The following CUX1 variants were observed in gnomAD, a reference collection of about 807,000 sequenced individuals.
CUX1 encodes cut like homeobox 1.
Under a neutral mutation model 158.8 loss-of-function variants are expected in CUX1, and 31 were observed. That is an observed-to-expected ratio of 0.20 (90% confidence interval 0.15 to 0.26). CUX1 has a LOEUF of 0.26. Among genes scored for constraint, CUX1 ranks in the 10% least tolerant of loss-of-function variants. CUX1 has a pLI of 1.00. For missense variants in CUX1, 1,589 were observed against 2,014.6 expected (o/e 0.79, Z 4.04); for synonymous variants, 879 against 862.1 (o/e 1.02, Z -0.34).
chr7:102,220,092 G>A (rs1164235681), intron 20 of CUX1, among the ~76,000 whole-genome samples: 1 of 152,188 alleles, frequency 6.6e-6, no homozygotes, highest in Non-Finnish European at 1.5e-5. Context: ...GGGCACAGTG[G>A]GATCACACCT....
intron 14 of CUX1, chr7:102,264,888 C>G (rs1358190480): frequency 1.3e-5 from 2 of 152,400 alleles, no homozygotes; most frequent in African/African-American, 4.8e-5. Context: ...GCTCTTAGTA[C>G]GGATAGACAC....
At chr7:101,824,453 A>T (rs2906719) in intron 1 of CUX1, 1 of 152,174 alleles carries the variant, frequency 6.6e-6, no homozygotes, top group Non-Finnish European at 1.5e-5. Context: ...CTGGCTTATT[A>T]CCACTTTCCC....
In CUX1 at chr7:102,098,428, G is replaced by A. The variant is rs943264994; in HGVS notation, c.406+927G>A. 2.0e-5 allele frequency among the ~76,000 whole-genome samples: 3 copies of A among 152,076 alleles called. 1 individual carries two copies. The highest frequency in any genetic ancestry group is 4.1e-4 in the South Asian group (2 of 4,832). On this transcript the variant is annotated intron_variant, in intron 5 of 23. Coordinates refer to ENST00000292535, the MANE Select transcript of CUX1 (RefSeq NM_181552.4). Reference sequence around the variant, plus strand: ...GAAGTTCGAGACCAGCCTCGGAAACGTAGCAATACTCTGTCTCTACAGAAC... The same window carrying A: ...GAAGTTCGAGACCAGCCTCGGAAACATAGCAATACTCTGTCTCTACAGAAC...
chr7:102,175,656 C>T (rs556503394), intron 10 of CUX1, among the ~76,000 whole-genome samples: 6 of 152,238 alleles, frequency 3.9e-5, no homozygotes, highest in Non-Finnish European at 7.4e-5. Flanking sequence ...GACAAGGTCC[C>T]GCCAGCCCTC....
intron 2 of CUX1, among the ~76,000 whole-genome samples, chr7:101,962,484 G>A (rs963980851): frequency 2.6e-5 from 4 of 152,150 alleles, no homozygotes; most frequent in African/African-American, 7.2e-5. Context: ...CATAGAGGCC[G>A]GAGATAACGA....
chr7:101,915,042 T>C (rs1455352980), intron 1 of CUX1, among the ~76,000 whole-genome samples: 2 of 152,076 alleles, frequency 1.3e-5, no homozygotes, highest in Non-Finnish European at 2.9e-5. Flanking sequence ...TTCTCGCCGT[T>C]CAGCTCTGCT....
At chr7:101,866,645 A>G (rs1797951845) in intron 1 of CUX1, among the ~76,000 whole-genome samples, 2 of 151,972 alleles carry the variant, frequency 1.3e-5, no homozygotes, top group South Asian at 4.2e-4. Flanking sequence ...AAAAAAAGTT[A>G]AACTAGAGTA....
chr7:102,280,023 C>T (rs1791937471), intron 18 of CUX1: 5 of 876,092 alleles, frequency 5.7e-6, no homozygotes, highest in Non-Finnish European at 6.2e-6. Flanking sequence ...CTCTTCCCCT[C>T]CCTGTCTGTG....
chr7:102,176,003 G>A (rs546749480), intron 10 of CUX1, among the ~76,000 whole-genome samples: 1 of 152,364 alleles, frequency 6.6e-6, no homozygotes, highest in Admixed American at 6.5e-5. Context: ...TGCACAGAAC[G>A]GGCCTGGACA....
intron 2 of CUX1, among the ~76,000 whole-genome samples, chr7:101,959,869 G>A (rs1212213794): frequency 6.6e-6 from 1 of 152,140 alleles, no homozygotes; most frequent in Non-Finnish European, 1.5e-5. Context: ...ATAGTTACAT[G>A]TTTGACTCTT....
At position 101,916,713 on chromosome 7, in the gene CUX1, C is replaced by T. The variant is rs1804251223; in HGVS notation, c.141+488C>T. On this transcript the variant is annotated intron_variant, in intron 2 of 23. Coordinates refer to ENST00000292535, the MANE Select transcript of CUX1 (RefSeq NM_181552.4). This position sits in a 1 kb window ranked among gnomAD's most constrained non-coding sequence, Gnocchi z 4.4. ...GCTTCTTGTAAAACAGACATTTCGCCTGCTAGGCCTTTTAAATGCCTCTCT... is the reference window on the plus strand; with the variant it reads ...GCTTCTTGTAAAACAGACATTTCGCTTGCTAGGCCTTTTAAATGCCTCTCT... 1 of 154,826 alleles carries T rather than the reference C, an allele frequency of 6.5e-6. No homozygotes were observed. The highest frequency in any genetic ancestry group is 2.4e-5 in the African/African-American group (1 of 41,506). 9.6% of individuals were successfully genotyped at this position (154,826 alleles called of 1,614,324 possible). A position where few individuals can be genotyped will look rare whatever the true frequency, so the allele number is the denominator to read the frequency against.
intron 22 of CUX1, among the ~76,000 whole-genome samples, chr7:102,235,689 G>A (rs1200563142): frequency 4.1e-5 from 6 of 144,890 alleles, no homozygotes; most frequent in Non-Finnish European, 7.5e-5. Context: ...GCGGCACAGC[G>A]AGACCCCATC....
At chr7:101,997,981 C>G (rs961972696) in intron 2 of CUX1, among the ~76,000 whole-genome samples, 3 of 152,220 alleles carry the variant, frequency 2.0e-5, no homozygotes, top group Non-Finnish European at 4.4e-5. Flanking sequence ...CACCAGAGAA[C>G]GAACTCCCCA....
intron 2 of CUX1, among the ~76,000 whole-genome samples, chr7:101,938,148 T>C (rs1807174919): frequency 6.6e-6 from 1 of 151,786 alleles, no homozygotes; most frequent in African/African-American, 2.4e-5. Flanking sequence ...AGTCTCACTC[T>C]GTCACTCAGG....
intron 2 of CUX1, among the ~76,000 whole-genome samples, chr7:101,926,147 A>G (rs1369890738): frequency 1.3e-5 from 2 of 152,226 alleles, no homozygotes; most frequent in African/African-American, 2.4e-5. Context: ...AGGATTTGGC[A>G]AAATGAGAAA....
intron 1 of CUX1, among the ~76,000 whole-genome samples, chr7:101,831,025 C>T (rs1314866857): frequency 6.6e-6 from 1 of 152,052 alleles, no homozygotes; most frequent in Non-Finnish European, 1.5e-5. Context: ...CTGGGTTACC[C>T]AAAGAAATAT....
chr7:101,950,946 C>T (rs1808986948), intron 2 of CUX1, among the ~76,000 whole-genome samples: 1 of 152,224 alleles, frequency 6.6e-6, no homozygotes, highest in Non-Finnish European at 1.5e-5. Flanking sequence ...TAACTGGTCT[C>T]ACTTCCTTTG....
Position 102,253,498 on chromosome 7 carries a change from C to T in CUX1, c.*4456C>T, listed in dbSNP as rs1310118503. 4.1e-6 allele frequency: 4 copies of T among 985,374 alleles called. No homozygotes were observed. The highest frequency in any genetic ancestry group is 3.6e-6 in the Non-Finnish European group (3 of 829,958). 61.0% of individuals were successfully genotyped at this position (985,374 alleles called of 1,614,324 possible). On this transcript the variant is annotated 3_prime_UTR_variant, in exon 24 of 24. Transcript: ENST00000292535. ...TGGATGACTTTGTTCCTCCTGCATG[C>T]ATGTCCTTTGATGCAAGGGTGATCA...
chr7:102,009,093 C>T (rs1191924953), intron 2 of CUX1, among the ~76,000 whole-genome samples: 1 of 152,222 alleles, frequency 6.6e-6, no homozygotes, highest in East Asian at 1.9e-4. Context: ...AGATGAAATG[C>T]AGCTTAGAAG....
Sources: allele counts gnomAD v4.1 joint callset (sites outside exome capture counted in the v4.1 genomes callset), GRCh38; gene constraint gnomAD v4.1.1; non-coding constraint Gnocchi (gnomAD v3.1); transcripts MANE v1.5; gene names NCBI Gene and HGNC (gene_info 2026-07-23, HGNC 2026-07-21).